RBFOX1: variants seen among roughly 807,000 people sequenced by gnomAD.
RBFOX1 encodes the protein RNA binding fox-1 homolog 1.
Under a neutral mutation model 57.7 loss-of-function variants are expected in RBFOX1, and 8 were observed. The observed-to-expected ratio is 0.14, with a 90% CI of 0.08 to 0.25. The LOEUF (loss-of-function observed/expected upper bound fraction) is 0.25, where lower values mean the gene tolerates loss of function less well. Ranked by LOEUF, RBFOX1 falls within the 10% of genes least tolerant of loss-of-function variation. RBFOX1 has a pLI of 1.00. For synonymous variants in RBFOX1, 326 were observed against 222.4 expected, an observed-to-expected ratio of 1.47 and a Z score of -4.15; for missense variants, 611 against 548.5, an observed-to-expected ratio of 1.11 and a Z score of -1.14.
chr16:5,565,464 A>G (rs1055008962), intron 2 of RBFOX1, among the ~76,000 whole-genome samples: 1 of 151,990 alleles, frequency 6.6e-6, no homozygotes, highest in East Asian at 1.9e-4. Flanking sequence ...TGTGTCTACT[A>G]AAAATACAAA....
At chr16:6,641,697 C>G (rs535307583) in intron 2 of RBFOX1, among the ~76,000 whole-genome samples, 98 of 124,516 alleles carry the variant, frequency 7.9e-4, no homozygotes, top group Admixed American at 6.1e-3. Flanking sequence ...ATGGCACCAC[C>G]GCAATTCAGC....
chr16:6,762,373 G>A (rs1221600559), intron 3 of RBFOX1, among the ~76,000 whole-genome samples: 1 of 152,036 alleles, frequency 6.6e-6, no homozygotes, highest in Non-Finnish European at 1.5e-5. Context: ...ACCCTTACTA[G>A]TGCACTTAGA....
chr16:6,475,385 C>T (rs895455527), intron 2 of RBFOX1, among the ~76,000 whole-genome samples: 1 of 152,182 alleles, frequency 6.6e-6, no homozygotes, highest in Non-Finnish European at 1.5e-5. Context: ...CTGTTTCTTG[C>T]TTAAAGGAAG....
chr16:7,329,997 A>C (rs1315554440), intron 4 of RBFOX1, among the ~76,000 whole-genome samples: 1 of 152,220 alleles, frequency 6.6e-6, no homozygotes, highest in African/African-American at 2.4e-5. Flanking sequence ...GCAATCTTGT[A>C]CTGAATACTG....
intron 3 of RBFOX1, among the ~76,000 whole-genome samples, chr16:6,881,001 G>A (rs879323019): frequency 6.6e-6 from 1 of 152,126 alleles, no homozygotes; most frequent in Non-Finnish European, 1.5e-5. Flanking sequence ...CCTAGGCAGG[G>A]CTGAAAAATA....
chr16:7,537,774 C>T (rs1193940826), intron 5 of RBFOX1, among the ~76,000 whole-genome samples: 2 of 152,168 alleles, frequency 1.3e-5, no homozygotes, highest in Non-Finnish European at 2.9e-5. Flanking sequence ...CAAACCCCGC[C>T]TCCACCCCAG....
intron 11 of RBFOX1, among the ~76,000 whole-genome samples, chr16:7,650,900 A>G (rs192477225): frequency 6.6e-6 from 1 of 152,170 alleles, no homozygotes; most frequent in East Asian, 1.9e-4. Context: ...CTCATCTCTC[A>G]TTACTTATGG....
At chr16:7,015,424 A>G (rs1017268238) in intron 3 of RBFOX1, among the ~76,000 whole-genome samples, 34 of 152,264 alleles carry the variant, frequency 2.2e-4, no homozygotes, top group Middle Eastern at 6.8e-3. Flanking sequence ...GACTTATGGA[A>G]TCTGAATCTT....
intron 4 of RBFOX1, among the ~76,000 whole-genome samples, chr16:7,224,652 G>C (rs975634238): frequency 2.0e-5 from 3 of 152,130 alleles, no homozygotes; most frequent in African/African-American, 7.2e-5. Context: ...TGTCTTTTTG[G>C]TTAAAATAAA....
chr16:6,902,558 C>A (rs150075034), intron 3 of RBFOX1, among the ~76,000 whole-genome samples: 273 of 152,204 alleles, frequency 1.8e-3, no homozygotes, highest in African/African-American at 6.3e-3. Context: ...CCTGTCACTA[C>A]TAAAAATACA....
At chr16:5,471,450 C>G (rs1272782455) in intron 2 of RBFOX1, among the ~76,000 whole-genome samples, 1 of 152,142 alleles carries the variant, frequency 6.6e-6, no homozygotes, top group Non-Finnish European at 1.5e-5. Flanking sequence ...CTCTATGAAA[C>G]TAACAGAGAG....
chr16:6,273,030 C>T (rs1193317585), intron 1 of RBFOX1, among the ~76,000 whole-genome samples: 1 of 152,036 alleles, frequency 6.6e-6, no homozygotes, highest in Non-Finnish European at 1.5e-5. Context: ...GAGGCTGAGG[C>T]AGGTGAGTCA....
At chr16:5,464,934 T>C (rs1318444405) in intron 1 of RBFOX1, among the ~76,000 whole-genome samples, 1 of 152,072 alleles carries the variant, frequency 6.6e-6, no homozygotes, top group Non-Finnish European at 1.5e-5. Flanking sequence ...TGCAGGCACC[T>C]CCTTTAGGAG....
At chr16:6,857,436 G>C (rs181969239) in intron 3 of RBFOX1, among the ~76,000 whole-genome samples, 24 of 152,256 alleles carry the variant, frequency 1.6e-4, no homozygotes, top group Non-Finnish European at 1.5e-5. Flanking sequence ...CCAGCTGAAA[G>C]AGTTAAGCCA....
intron 3 of RBFOX1, among the ~76,000 whole-genome samples, chr16:6,922,290 T>C (rs973381039): frequency 6.6e-6 from 1 of 152,102 alleles, no homozygotes; most frequent in Non-Finnish European, 1.5e-5. Flanking sequence ...CTTATTCAGA[T>C]ATTGGAAAGC....
chr16:7,576,221 G>A (rs2093328094), intron 5 of RBFOX1, among the ~76,000 whole-genome samples: 1 of 152,010 alleles, frequency 6.6e-6, no homozygotes, highest in Non-Finnish European at 1.5e-5. Flanking sequence ...ACTGCACCTA[G>A]CCCCATTACC....
intron 3 of RBFOX1, among the ~76,000 whole-genome samples, chr16:6,964,534 C>G (rs1369556941): frequency 6.6e-6 from 1 of 152,126 alleles, no homozygotes; most frequent in Non-Finnish European, 1.5e-5. Context: ...AAGGGTGAAG[C>G]TATGCCTGTG....
At chr16:6,858,305 CTAGAT>C (rs931016464) in intron 3 of RBFOX1, among the ~76,000 whole-genome samples, 4 of 152,180 alleles carry the variant, frequency 2.6e-5, no homozygotes, top group Non-Finnish European at 5.9e-5. Flanking sequence ...TGTTGAGAGA[CTAGAT>C]TAGGATATCT....
At chr16:5,949,807 T>G (rs917309399) in intron 4 of RBFOX1, among the ~76,000 whole-genome samples, 2 of 152,132 alleles carry the variant, frequency 1.3e-5, no homozygotes, top group Admixed American at 6.5e-5. Context: ...GCCTATTGAA[T>G]CAGAAACTCT....
Sources: allele counts gnomAD v4.1 joint callset (sites outside exome capture counted in the v4.1 genomes callset), GRCh38; gene constraint gnomAD v4.1.1; transcripts MANE v1.5; gene names NCBI Gene and HGNC (gene_info 2026-07-23, HGNC 2026-07-21).